The following B3GALT1 variants were observed in gnomAD, a reference collection of about 807,000 sequenced individuals.
The protein encoded by B3GALT1 is UDP-Gal:betaGlcNAc beta 1,3-galactosyltransferase, polypeptide 1.
In B3GALT1, 10 loss-of-function variants were observed where a neutral mutation model predicts 23.2. The observed-to-expected ratio is 0.43, with a 90% CI of 0.27 to 0.73. B3GALT1 has a LOEUF of 0.73. Among genes scored for constraint, B3GALT1 ranks in the 30% least tolerant of loss-of-function variants. The pLI is 0.21. For missense variants in B3GALT1, 299 were observed against 405.4 expected, an observed-to-expected ratio of 0.74 and a Z score of 2.25; for synonymous variants, 156 against 141.5, an observed-to-expected ratio of 1.10 and a Z score of -0.73.
chr2:167,685,773 G>A (rs576229805), intron 3 of B3GALT1, among the ~76,000 whole-genome samples: 162 of 152,268 alleles, frequency 1.1e-3, no homozygotes, highest in Non-Finnish European at 1.7e-3. Context: ...GTGTAGCCAC[G>A]TGCTCAATGG....
intron 2 of B3GALT1, among the ~76,000 whole-genome samples, chr2:167,509,854 G>A (rs147018092): frequency 3.9e-5 from 6 of 152,284 alleles, no homozygotes; most frequent in Non-Finnish European, 7.4e-5. Context: ...AAGGAATGAC[G>A]TGATCTGTTT....
chr2:167,790,577 G>A (rs1215207192), intron 3 of B3GALT1, among the ~76,000 whole-genome samples: 1 of 152,198 alleles, frequency 6.6e-6, no homozygotes, highest in Non-Finnish European at 1.5e-5. Flanking sequence ...GGAAAGCATG[G>A]AGGAAGTAAA....
At chr2:167,554,630 T>C (rs1361297530) in intron 2 of B3GALT1, among the ~76,000 whole-genome samples, 1 of 152,186 alleles carries the variant, frequency 6.6e-6, no homozygotes, top group Non-Finnish European at 1.5e-5. Flanking sequence ...GTAAAGACTA[T>C]TTTAGCCATT....
intron 3 of B3GALT1, among the ~76,000 whole-genome samples, chr2:167,801,777 A>G (rs1184963298): frequency 6.6e-6 from 1 of 152,240 alleles, no homozygotes; most frequent in Middle Eastern, 3.2e-3. Flanking sequence ...GTAATTCAGC[A>G]TGACAACATT....
At chr2:167,325,819 G>A (rs1178447776) in intron 1 of B3GALT1, among the ~76,000 whole-genome samples, 1 of 149,888 alleles carries the variant, frequency 6.7e-6, no homozygotes, top group Non-Finnish European at 1.5e-5. Flanking sequence ...CCAGGTTCAA[G>A]CAATTCTCCT....
chr2:167,680,920 C>T (rs1686518734), intron 3 of B3GALT1, among the ~76,000 whole-genome samples: 1 of 152,164 alleles, frequency 6.6e-6, no homozygotes, highest in Admixed American at 6.5e-5. Flanking sequence ...AGAAGTAAGG[C>T]ACTTTTTAAT....
At chr2:167,297,746 T>C (rs1197601746) in intron 1 of B3GALT1, among the ~76,000 whole-genome samples, 1 of 152,122 alleles carries the variant, frequency 6.6e-6, no homozygotes, top group Non-Finnish European at 1.5e-5. Context: ...CTAGCTTGAC[T>C]TTCAAAAACC....
At chr2:167,656,757 A>T (rs1263670741) in intron 3 of B3GALT1, among the ~76,000 whole-genome samples, 2 of 152,176 alleles carry the variant, frequency 1.3e-5, no homozygotes, top group Non-Finnish European at 2.9e-5. Context: ...AATCTATACC[A>T]AATTGGACCA....
chr2:167,365,281 T>A (rs1697568779), intron 1 of B3GALT1, among the ~76,000 whole-genome samples: 1 of 152,154 alleles, frequency 6.6e-6, no homozygotes, highest in Non-Finnish European at 1.5e-5. Flanking sequence ...TCAGAAAGAA[T>A]TATGTTCTTC....
Position 167,361,903 on chromosome 2 carries a change from A to C in B3GALT1, c.-511+68569A>C, listed in dbSNP as rs545367855. On this transcript the variant is annotated intron_variant, in intron 1 of 4. Coordinates refer to ENST00000392690, the MANE Select transcript of B3GALT1 (RefSeq NM_020981.4). ...AGCCTGGCCAACATGATGAAACCCC[A>C]TCTCTCCTAAACATACAAAAATTAG... 4.1e-3 allele frequency among the ~76,000 whole-genome samples: 628 copies of C among 152,168 alleles called. 9 individuals are homozygous for C. The highest frequency in any genetic ancestry group is 0.015 in the African/African-American group (604 of 41,534).
intron 2 of B3GALT1, among the ~76,000 whole-genome samples, chr2:167,609,138 G>A (rs952352081): frequency 1.3e-5 from 2 of 152,162 alleles, no homozygotes; most frequent in South Asian, 4.1e-4. Context: ...TGTTGTTGAT[G>A]TAGTCAGAAC....
chr2:167,830,546 TGAA>T (rs1689327413), intron 4 of B3GALT1, among the ~76,000 whole-genome samples: 1 of 152,182 alleles, frequency 6.6e-6, no homozygotes, highest in Non-Finnish European at 1.5e-5. Flanking sequence ...GCTGCCTATT[TGAA>T]GATGATGCTA....
At chr2:167,570,367 G>A (rs535230454) in intron 2 of B3GALT1, among the ~76,000 whole-genome samples, 102 of 151,740 alleles carry the variant, frequency 6.7e-4, no homozygotes, top group Admixed American at 2.4e-3. Context: ...TTTTTCTTGT[G>A]TGAGTTTCGG....
chr2:167,696,355 T>C (rs1686791907), intron 3 of B3GALT1, among the ~76,000 whole-genome samples: 1 of 147,508 alleles, frequency 6.8e-6, no homozygotes, highest in Admixed American at 6.8e-5. Context: ...GAATAAGACA[T>C]GTAAAATACC....
intron 1 of B3GALT1, among the ~76,000 whole-genome samples, chr2:167,425,056 CT>C (rs1698603394): frequency 6.6e-6 from 1 of 152,200 alleles, no homozygotes; most frequent in South Asian, 2.1e-4. Context: ...GCCTCTCCTG[CT>C]ACTATAAATC....
intron 2 of B3GALT1, among the ~76,000 whole-genome samples, chr2:167,525,954 G>C (rs1388736696): frequency 6.6e-6 from 1 of 151,830 alleles, no homozygotes; most frequent in Non-Finnish European, 1.5e-5. Context: ...ATGTCCTTTT[G>C]ATCACAGTCC....
At chr2:167,776,999 C>A (rs563958898) in intron 3 of B3GALT1, among the ~76,000 whole-genome samples, 1 of 151,962 alleles carries the variant, frequency 6.6e-6, no homozygotes, top group Non-Finnish European at 1.5e-5. Flanking sequence ...TTGGTTTTTA[C>A]GGTCAAGTAA....
intron 1 of B3GALT1, among the ~76,000 whole-genome samples, chr2:167,368,975 A>G (rs1329201250): frequency 1.3e-5 from 2 of 152,104 alleles, no homozygotes; most frequent in Non-Finnish European, 1.5e-5. Flanking sequence ...TGGCTTAATT[A>G]TAAGGAATTA....
chr2:167,819,565 C>T (rs904109258), intron 4 of B3GALT1, among the ~76,000 whole-genome samples: 2 of 152,166 alleles, frequency 1.3e-5, no homozygotes, highest in Admixed American at 1.3e-4. Flanking sequence ...GATGACACTC[C>T]TATCTTTCCC....
Sources: allele counts gnomAD v4.1 joint callset (sites outside exome capture counted in the v4.1 genomes callset), GRCh38; gene constraint gnomAD v4.1.1; transcripts MANE v1.5; gene names NCBI Gene and HGNC (gene_info 2026-07-23, HGNC 2026-07-21).